Variants in DTNBP1 observed in about 807,000 individuals in gnomAD.
DTNBP1 encodes dysbindin.
In DTNBP1, 35 loss-of-function variants were observed where a neutral mutation model predicts 42.8. That is an observed-to-expected ratio of 0.82 (90% CI 0.63 to 1.09). The LOEUF (loss-of-function observed/expected upper bound fraction) is 1.09, where lower values mean the gene tolerates loss of function less well. Among genes scored for constraint, DTNBP1 ranks in the 50% least tolerant of loss-of-function variants. The pLI, the probability that DTNBP1 is intolerant of heterozygous loss-of-function variation, is 0.00. For synonymous variants in DTNBP1, 171 were observed against 162.2 expected (o/e 1.05, Z -0.41); for missense variants, 457 against 424.2 (o/e 1.08, Z -0.68).
chr6:15,599,579 T>C (rs1776644695), intron 6 of DTNBP1, among the ~76,000 whole-genome samples: 2 of 152,158 alleles, frequency 1.3e-5, no homozygotes, highest in African/African-American at 4.8e-5. Flanking sequence ...AGGCAACATC[T>C]GGGTCTACCT....
At chr6:15,582,780 A>G (rs973468386) in intron 7 of DTNBP1, among the ~76,000 whole-genome samples, 1 of 152,240 alleles carries the variant, frequency 6.6e-6, no homozygotes, top group African/African-American at 2.4e-5. Flanking sequence ...CTGGAATTAG[A>G]GACTTGAAAG....
At chr6:15,580,630 T>C (rs1230716259) in intron 7 of DTNBP1, among the ~76,000 whole-genome samples, 1 of 152,192 alleles carries the variant, frequency 6.6e-6, no homozygotes, top group Non-Finnish European at 1.5e-5. Flanking sequence ...TCTATATATG[T>C]GTGTGTGTAT....
At chr6:15,533,205 G>C (rs745511215) in intron 8 of DTNBP1, 35 bp downstream of exon 8, 1 of 1,611,416 alleles carries the variant, frequency 6.2e-7, no homozygotes, top group Non-Finnish European at 8.5e-7. Context: ...CACAGCCGGT[G>C]AGTCCCCACA....
intron 7 of DTNBP1, 85 bp downstream of exon 7, chr6:15,592,974 A>G (rs1776359200): frequency 1.1e-5 from 14 of 1,316,794 alleles, no homozygotes; most frequent in Non-Finnish European, 1.5e-5. Flanking sequence ...ATTTTAAAAA[A>G]TGAGTTTGTT....
chr6:15,652,727 A>G (rs572773613), intron 1 of DTNBP1, among the ~76,000 whole-genome samples: 1 of 152,112 alleles, frequency 6.6e-6, no homozygotes, highest in Non-Finnish European at 1.5e-5. Flanking sequence ...TCTTGGGCTC[A>G]AGCAATCTTC....
intron 3 of DTNBP1, among the ~76,000 whole-genome samples, chr6:15,641,796 T>C (rs1760375173): frequency 6.6e-6 from 1 of 152,154 alleles, no homozygotes; most frequent in Non-Finnish European, 1.5e-5. Flanking sequence ...CCCAGGTAAC[T>C]GTGAGATCTC....
chr6:15,533,809 A>C (rs1191727981), intron 7 of DTNBP1, among the ~76,000 whole-genome samples: 1 of 152,214 alleles, frequency 6.6e-6, no homozygotes, highest in East Asian at 1.9e-4. Context: ...ACTTACAAAA[A>C]TTGCAGTGCA....
At chr6:15,598,162 T>C (rs971335031) in intron 6 of DTNBP1, among the ~76,000 whole-genome samples, 1 of 152,160 alleles carries the variant, frequency 6.6e-6, no homozygotes, top group African/African-American at 2.4e-5. Context: ...GATTGAGTTA[T>C]AAAGAATAAA....
intron 3 of DTNBP1, 144 bp downstream of exon 3, chr6:15,651,169 G>A (rs1676464456): frequency 6.3e-6 from 5 of 799,608 alleles, no homozygotes; most frequent in Admixed American, 2.3e-5. Flanking sequence ...AGCCCTCAAG[G>A]AAAATAATAC....
chr6:15,642,318 G>A (rs1236535114), intron 3 of DTNBP1, among the ~76,000 whole-genome samples: 1 of 152,162 alleles, frequency 6.6e-6, no homozygotes, highest in African/African-American at 2.4e-5. Flanking sequence ...CTTGTGACAG[G>A]GGCATGATAG....
At chr6:15,530,734 TTCC>T in intron 8 of DTNBP1, among the ~76,000 whole-genome samples, 1 of 152,254 alleles carries the variant, frequency 6.6e-6, no homozygotes, top group Admixed American at 6.5e-5. Flanking sequence ...TTCTCTGTGC[TTCC>T]TCTGGGCTCA....
At chr6:15,578,896 G>T (rs1474854377) in intron 7 of DTNBP1, among the ~76,000 whole-genome samples, 1 of 152,108 alleles carries the variant, frequency 6.6e-6, no homozygotes, top group Non-Finnish European at 1.5e-5. Context: ...AAAGACAAAG[G>T]GTAAGTGTTG....
At chr6:15,541,496 G>C (rs1237405849) in intron 7 of DTNBP1, among the ~76,000 whole-genome samples, 1 of 152,096 alleles carries the variant, frequency 6.6e-6, no homozygotes, top group Non-Finnish European at 1.5e-5. Context: ...ATACAAAGAT[G>C]TTAAGAGCTT....
chr6:15,600,256 C>T (rs946801749), intron 6 of DTNBP1, among the ~76,000 whole-genome samples: 1 of 152,148 alleles, frequency 6.6e-6, no homozygotes, highest in African/African-American at 2.4e-5. Context: ...TATGAGGAGA[C>T]TTTGAAGTCA....
intron 7 of DTNBP1, among the ~76,000 whole-genome samples, chr6:15,563,337 T>G (rs1461860507): frequency 6.6e-6 from 1 of 152,168 alleles, no homozygotes; most frequent in African/African-American, 2.4e-5. Context: ...AGCAAAAGCA[T>G]AACTCATAAA....
intron 1 of DTNBP1, among the ~76,000 whole-genome samples, chr6:15,655,747 T>G (rs1262281521): frequency 6.6e-6 from 1 of 151,608 alleles, no homozygotes; most frequent in African/African-American, 2.4e-5. Flanking sequence ...ATTCTTAAGA[T>G]GAAAAATATA....
At chr6:15,659,687 G>T (rs1468753404) in intron 1 of DTNBP1, among the ~76,000 whole-genome samples, 1 of 151,872 alleles carries the variant, frequency 6.6e-6, no homozygotes, top group Non-Finnish European at 1.5e-5. Context: ...CAAGTAGCTG[G>T]AATTACAGAC....
chr6:15,636,533 C>A (rs1760034122), intron 4 of DTNBP1, among the ~76,000 whole-genome samples: 1 of 152,112 alleles, frequency 6.6e-6, no homozygotes, highest in African/African-American at 2.4e-5. Context: ...GAGGCCAATA[C>A]CATGGTAACA....
intron 6 of DTNBP1, among the ~76,000 whole-genome samples, chr6:15,597,496 G>C (rs191390975): frequency 6.6e-6 from 1 of 152,248 alleles, no homozygotes; most frequent in Admixed American, 6.5e-5. Flanking sequence ...TGTGTTATTA[G>C]CATAAAAATG....
Sources: gnomAD v4.1 joint callset for allele counts (sites outside exome capture counted in the v4.1 genomes callset) on GRCh38, gnomAD v4.1.1 for gene constraint, MANE v1.5 for transcripts, NCBI Gene and HGNC (gene_info 2026-07-23, HGNC 2026-07-21) for gene names.